METAP1: variants seen among roughly 807,000 people sequenced by gnomAD.
METAP1 encodes methionyl aminopeptidase 1.
A neutral mutation model predicts 53.8 loss-of-function variants in METAP1; 28 were observed. The observed-to-expected ratio is 0.52, with a 90% CI of 0.39 to 0.71. The LOEUF (loss-of-function observed/expected upper bound fraction) is 0.71. Ranked by LOEUF, METAP1 falls within the 30% of genes least tolerant of loss-of-function variation. The pLI is 0.00. For missense variants in METAP1, 389 were observed against 479.8 expected (o/e 0.81, Z 1.77); for synonymous variants, 181 against 165.7 (o/e 1.09, Z -0.71).
chr4:99,033,256 T>A (rs922055156), intron 2 of METAP1, among the ~76,000 whole-genome samples: 1 of 152,152 alleles, frequency 6.6e-6, no homozygotes, highest in Non-Finnish European at 1.5e-5. Flanking sequence ...AGTTTTATTT[T>A]TTTTTTTTTC....
chr4:99,041,238 C>CA (rs1725842699), intron 6 of METAP1, 112 bp downstream of exon 6: 1 of 570,796 alleles, frequency 1.8e-6, no homozygotes. Flanking sequence ...TGGGTAAACT[C>CA]ATTTGAAAGC....
chr4:99,035,315 C>A, intron 3 of METAP1, 85 bp from the exon 4 acceptor site: 1 of 954,354 alleles, frequency 1.0e-6, no homozygotes, highest in South Asian at 1.4e-5. Flanking sequence ...TTTAAAACTT[C>A]TAAAAACTTT....
chr4:99,045,089 T>C, intron 7 of METAP1, 90 bp from the exon 8 acceptor site: 6 of 1,324,066 alleles, frequency 4.5e-6, no homozygotes, highest in Non-Finnish European at 1.0e-6. Flanking sequence ...GTCTTTTTCA[T>C]TAAGTTGCTA....
intron 7 of METAP1, 97 bp downstream of exon 7, chr4:99,043,484 A>T: frequency 7.8e-7 from 1 of 1,286,646 alleles, no homozygotes; most frequent in Non-Finnish European, 1.1e-6. Context: ...TGCTTCCTGT[A>T]CTTAAACTTT....
intron 1 of METAP1, among the ~76,000 whole-genome samples, chr4:98,997,814 C>T (rs976926385): frequency 6.6e-6 from 1 of 152,144 alleles, no homozygotes; most frequent in African/African-American, 2.4e-5. Flanking sequence ...CTCAAATATT[C>T]CCAGAGTGGC....
At chr4:99,034,396 GAT>G in intron 3 of METAP1, 54 bp downstream of exon 3, 1 of 1,031,844 alleles carries the variant, frequency 9.7e-7, no homozygotes, top group Non-Finnish European at 1.5e-6. Context: ...TTCCAAAAAT[GAT>G]ACTCGTAATT....
At chr4:99,010,535 T>C (rs1723416111) in intron 1 of METAP1, among the ~76,000 whole-genome samples, 1 of 152,226 alleles carries the variant, frequency 6.6e-6, no homozygotes, top group South Asian at 2.1e-4. Context: ...CATTTGTCTG[T>C]GTATCTGTTT....
Position 99,039,743 on chromosome 4 carries a change from A to G in METAP1, c.432+278A>G, listed in dbSNP as rs1025541769. Among the ~76,000 whole-genome samples the G allele has an allele frequency of 5.9e-5, 9 of 151,912 alleles. No homozygotes were observed. The South Asian group carries it at 6.2e-4, about 11-fold the overall frequency. On this transcript the variant is annotated intron_variant, in intron 5 of 10. Coordinates refer to ENST00000296411, the MANE Select transcript of METAP1 (RefSeq NM_015143.3). Reference sequence around the variant, plus strand: ...TGAGTAGCTGGGATTACAGGTGCCCACCACCACACCTGGCTAATTTTTGTA... The same window carrying G: ...TGAGTAGCTGGGATTACAGGTGCCCGCCACCACACCTGGCTAATTTTTGTA...
At chr4:98,996,071 C>T (rs1470282315) in intron 1 of METAP1, among the ~76,000 whole-genome samples, 1 of 152,050 alleles carries the variant, frequency 6.6e-6, no homozygotes, top group Non-Finnish European at 1.5e-5. Context: ...GCGCTGGGCT[C>T]ACGCGGGGGC....
At chr4:99,013,071 T>C (rs1478032916) in intron 1 of METAP1, among the ~76,000 whole-genome samples, 2 of 152,228 alleles carry the variant, frequency 1.3e-5, no homozygotes, top group Admixed American at 6.5e-5. Context: ...TTTTTGTTTT[T>C]ATTTGTGTTG....
At chr4:99,025,835 G>C (rs1724521246) in intron 1 of METAP1, among the ~76,000 whole-genome samples, 1 of 152,142 alleles carries the variant, frequency 6.6e-6, no homozygotes, top group Non-Finnish European at 1.5e-5. Context: ...ATGTTACCTG[G>C]AGGCTTCATC....
rs533861910 is a variant in METAP1 at position 98,999,461 on chromosome 4, A to T, written c.114+3594A>T. 3.4e-5 allele frequency among the ~76,000 whole-genome samples: 5 copies of T among 145,478 alleles called. No homozygotes were observed. The South Asian group carries it at 1.1e-3, about 33-fold the overall frequency. On this transcript the variant is annotated intron_variant, in intron 1 of 10. Transcript: ENST00000296411. ...GAATGTTAGCTCTTTTTATTGTTAT[A>T]CTGTTTTATGTTTAGGAAAGTAGAA...
intron 1 of METAP1, among the ~76,000 whole-genome samples, chr4:99,013,523 C>T (rs1285764767): frequency 6.6e-6 from 1 of 152,154 alleles, no homozygotes; most frequent in Non-Finnish European, 1.5e-5. Flanking sequence ...AGGGTGCACT[C>T]ACCAGCAGTC....
chr4:99,000,740 C>G (rs559710229), intron 1 of METAP1, among the ~76,000 whole-genome samples: 62 of 137,618 alleles, frequency 4.5e-4, no homozygotes, highest in African/African-American at 1.6e-3. Flanking sequence ...CTTACTCTGT[C>G]AACCCAAGGT....
At chr4:99,043,575 A>G (rs1726022608) in intron 7 of METAP1, among the ~76,000 whole-genome samples, 188 bp downstream of exon 7, 2 of 152,152 alleles carry the variant, frequency 1.3e-5, no homozygotes, top group African/African-American at 2.4e-5. Context: ...TGCTTTTAAG[A>G]TACTTCCGGT....
intron 1 of METAP1, among the ~76,000 whole-genome samples, chr4:99,011,608 C>G (rs1356162531): frequency 6.6e-6 from 1 of 152,078 alleles, no homozygotes; most frequent in East Asian, 1.9e-4. Flanking sequence ...GGTCTTTAGT[C>G]TTTATCTGGC....
chr4:99,010,151 C>A (rs1723397655), intron 1 of METAP1, among the ~76,000 whole-genome samples: 1 of 152,162 alleles, frequency 6.6e-6, no homozygotes, highest in Admixed American at 6.5e-5. Flanking sequence ...CCTGTTGGCA[C>A]CCTTGTCAAA....
chr4:99,026,513 A>G (rs1724573602), intron 1 of METAP1: 1 of 985,272 alleles, frequency 1.0e-6, no homozygotes, highest in South Asian at 4.7e-5. Flanking sequence ...GTCAGGTTAT[A>G]CAAAGGGAAG....
intron 3 of METAP1, 99 bp from the exon 4 acceptor site, chr4:99,035,301 G>T: frequency 2.6e-6 from 2 of 772,318 alleles, no homozygotes; most frequent in East Asian, 5.4e-5. Flanking sequence ...TATTTAAGAT[G>T]CCATTTAAAA....
Sources: gnomAD v4.1 joint callset for allele counts (sites outside exome capture counted in the v4.1 genomes callset) on GRCh38, gnomAD v4.1.1 for gene constraint, MANE v1.5 for transcripts, NCBI Gene and HGNC (gene_info 2026-07-23, HGNC 2026-07-21) for gene names.